Variants in SARAF observed in about 807,000 individuals in gnomAD.
The protein encoded by SARAF is store-operated calcium entry associated regulatory factor, also known as store-operated calcium entry-associated regulatory factor.
Under a neutral mutation model 39.7 loss-of-function variants are expected in SARAF, and 23 were observed. That is an observed-to-expected ratio of 0.58 (90% CI 0.42 to 0.82). The LOEUF is 0.82. Ranked by LOEUF, SARAF falls within the 40% of genes least tolerant of loss-of-function variation. The probability of loss-of-function intolerance (pLI) is 0.00; values close to 1 mark genes in which losing one functional copy is unlikely to be tolerated. For synonymous variants in SARAF, 175 were observed against 168.5 expected, an observed-to-expected ratio of 1.04 and a Z score of -0.30; for missense variants, 384 against 418.5, an observed-to-expected ratio of 0.92 and a Z score of 0.72.
In SARAF at chr8:30,082,213, C is replaced by T. The variant is rs373670910; in HGVS notation, c.103+634G>A. On this transcript the variant is annotated intron_variant, in intron 1 of 5. Coordinates refer to ENST00000256255, the MANE Select transcript of SARAF (RefSeq NM_016127.6). ...AATAGCCAGGCATGGTGGTGGGCAC[C>T]CGTAATCTCAGCTACCGGTGAGGCC... The T allele has an allele frequency of 3.9e-5, 6 of 152,446 alleles. No individual in the cohort carries two copies. In the East Asian group the frequency reaches 7.7e-4, roughly 20 times the overall value. The allele number at this position is 152,446 out of a possible 1,614,324, so 9.4% of individuals were successfully genotyped here.
intron 1 of SARAF, among the ~76,000 whole-genome samples, chr8:30,081,685 T>C (rs1802100149): frequency 6.6e-6 from 1 of 152,102 alleles, no homozygotes; most frequent in Admixed American, 6.6e-5. Flanking sequence ...GGCAATATGC[T>C]TTCCATGCCA....
intron 1 of SARAF, among the ~76,000 whole-genome samples, chr8:30,075,787 A>G (rs1313649914): frequency 6.6e-6 from 1 of 152,072 alleles, no homozygotes; most frequent in Non-Finnish European, 1.5e-5. Flanking sequence ...AATTCTACTA[A>G]AACTATAATA....
At chr8:30,067,736 G>A (rs1170709602) in intron 3 of SARAF, among the ~76,000 whole-genome samples, 2 of 152,054 alleles carry the variant, frequency 1.3e-5, no homozygotes, top group African/African-American at 2.4e-5. Context: ...GTCTTCCACC[G>A]TGTGAAAAAT....
chr8:30,065,325 T>C (rs1446924687), intron 5 of SARAF, among the ~76,000 whole-genome samples: 1 of 152,240 alleles, frequency 6.6e-6, no homozygotes, highest in Non-Finnish European at 1.5e-5. Context: ...GTACCAGTTT[T>C]TTTAATTGAA....
intron 5 of SARAF, among the ~76,000 whole-genome samples, chr8:30,065,050 A>C (rs896270316): frequency 7.2e-5 from 11 of 152,160 alleles, no homozygotes; most frequent in African/African-American, 2.7e-4. Context: ...TGGTAGATCT[A>C]TCCATGTTAT....
intron 1 of SARAF, among the ~76,000 whole-genome samples, chr8:30,079,158 CAAAAAAAAAAAA>C (rs60893961): frequency 1.8e-5 from 1 of 54,682 alleles, no homozygotes; most frequent in Non-Finnish European, 4.1e-5. Flanking sequence ...AACTCCATCT[CAAAAAAAAAAAA>C]AAAAAAAAAG....
At position 30,069,845 on chromosome 8, in the gene SARAF, G is replaced by A; in HGVS notation, c.497C>T (p.Ser166Phe). 6.2e-7 allele frequency: 1 copy of A among 1,614,112 alleles called. No homozygotes were observed. The highest frequency in any genetic ancestry group is 8.5e-7 in the Non-Finnish European group (1 of 1,180,008). ...ASFSDYYYKW[S>F]SADSCNMSGL... ...ACTCATGTTACAGGAATCCGCCGAG[G>A]ACCACTTATAATAATAATCAGAGAA... The change falls in exon 3 of 6, where the codon TCC becomes TTC. Residue 166 changes from serine to phenylalanine, a missense_variant. Ser to Phe is a radical substitution (Grantham distance 155). Transcript: ENST00000256255.
chr8:30,064,037 G>T, intron 5 of SARAF, 124 bp from the exon 6 acceptor site: 3 of 845,174 alleles, frequency 3.5e-6, no homozygotes, highest in East Asian at 2.6e-5. Context: ...GAAAGAGTGT[G>T]CCACTAGGTG....
chr8:30,073,908 T>C lies in SARAF; in HGVS notation c.251A>G (p.Gln84Arg), dbSNP rs1432195933. The change falls in exon 2 of 6, where the codon CAG (glutamine) becomes CGG (arginine). Residue 84 changes from glutamine to arginine, a missense_variant. Gln to Arg is a conservative substitution (Grantham distance 43, BLOSUM62 1). Transcript: ENST00000256255. ...DSYTPKVIQC[Q>R]NKGWDGYDVQ... is the part of the protein sequence containing the mutation. The stretch of plus-strand genomic sequence containing the variant: ...ATCATACCCATCCCAGCCTTTGTTC[T>C]GACACTGTATGACTTTTGGGGTATA... 1 of 1,614,212 alleles carries C rather than the reference T, an allele frequency of 6.2e-7. No individual in the cohort carries two copies. The highest frequency in any genetic ancestry group is 8.5e-7 in the Non-Finnish European group (1 of 1,180,030).
chr8:30,066,252 G>A, intron 4 of SARAF, 113 bp from the exon 5 acceptor site: 5 of 1,099,256 alleles, frequency 4.5e-6, no homozygotes, highest in South Asian at 1.6e-5. Flanking sequence ...ATTTTTTCCT[G>A]AATGTTCTGG....
intron 1 of SARAF, among the ~76,000 whole-genome samples, chr8:30,079,017 C>T (rs534808365): frequency 3.3e-5 from 5 of 151,938 alleles, no homozygotes; most frequent in East Asian, 3.9e-4. Flanking sequence ...ATTAGCTGGA[C>T]GTGGTGGCAT....
chr8:30,083,119 G>A (rs1227160347), upstream of SARAF: 1 of 510,836 alleles, frequency 2.0e-6, no homozygotes. Flanking sequence ...CTACGTCACT[G>A]CCGCTGCGGC....
Position 30,069,998 on chromosome 8 carries a change from T to C in SARAF, c.344A>G (p.Glu115Gly). 6.2e-7 allele frequency: 1 copy of C among 1,613,842 alleles called. No homozygotes were observed. Among genetic ancestry groups the C allele is most frequent in the Non-Finnish European group, 8.5e-7 (1 of 1,179,992 alleles). ...YKFGKTVVSC[E>G]GYESSEDQYV... Reference sequence around the variant, plus strand: ...CTGGTCTTCAGAGGACTCATAGCCTTCACAGCTCACCACAGTTTTTCCAAA... The same window carrying C: ...CTGGTCTTCAGAGGACTCATAGCCTCCACAGCTCACCACAGTTTTTCCAAA... Residue 115 changes from glutamate (E) to glycine (G), a missense_variant, in exon 3 of 6, where the codon GAA (glutamate) becomes GGA (glycine). Physicochemically the swap from Glu to Gly is moderately conservative, Grantham distance 98 (BLOSUM62 -2). Transcript: ENST00000256255.
chr8:30,064,544 TA>T (rs1801628314), intron 5 of SARAF, among the ~76,000 whole-genome samples: 9 of 55,816 alleles, frequency 1.6e-4, no homozygotes, highest in South Asian at 6.3e-4. Context: ...CATATATATA[TA>T]TATATATATA....
In SARAF at chr8:30,066,876, C is replaced by A; in HGVS notation, c.743G>T (p.Ser248Ile). The A allele has an allele frequency of 6.2e-7, 1 of 1,614,146 alleles. No individual in the cohort carries two copies. The highest frequency in any genetic ancestry group is 2.2e-5 in the East Asian group (1 of 44,878). ...TGHGATSGFG[S>I]AFTGQQGYEN... ...ATATCCTTGTTGTCCTGTAAAAGCA[C>A]TGCCAAAACCAGAAGTTGCACCATG... Residue 248 changes from serine to isoleucine, a missense_variant, in exon 4 of 6, where the codon AGT (serine) becomes ATT (isoleucine). By Grantham distance (142) the Ser-to-Ile change is moderately radical. Coordinates refer to ENST00000256255, the MANE Select transcript of SARAF (RefSeq NM_016127.6).
intron 1 of SARAF, chr8:30,082,351 AG>A (rs201447121): frequency 0.011 from 1,489 of 136,310 alleles, 19 homozygotes; most frequent in African/African-American, 0.037. Context: ...AAAAAAAAAA[AG>A]AGTGCAATCT....
chr8:30,069,697 C>G lies in SARAF; in HGVS notation c.645G>C (p.Gln215His). The G allele has an allele frequency of 6.2e-7, 1 of 1,614,098 alleles. No individual in the cohort carries two copies. Among genetic ancestry groups the G allele is most frequent in the Admixed American group, 1.7e-5 (1 of 60,010 alleles). Residue 215 changes from glutamine (Q) to histidine (H), a missense_variant, in exon 3 of 6, where the codon CAG becomes CAC. Coordinates refer to ENST00000256255, the MANE Select transcript of SARAF (RefSeq NM_016127.6). ...GAGGTCCTGCTGAGTTGGTGAATCT[C>G]TGGTAACGGTGGGAAAATGGAGGAT... ...SEYPPFSHRY[Q>H]RFTNSAGPPP...
At chr8:30,068,287 T>G (rs1801738553) in intron 3 of SARAF, among the ~76,000 whole-genome samples, 2 of 152,112 alleles carry the variant, frequency 1.3e-5, no homozygotes, top group South Asian at 2.1e-4. Flanking sequence ...CAGCATTAGA[T>G]TCTCATAGGA....
chr8:30,071,528 T>C (rs1425154110), intron 2 of SARAF, among the ~76,000 whole-genome samples: 1 of 152,250 alleles, frequency 6.6e-6, no homozygotes, highest in East Asian at 1.9e-4. Context: ...TCAATGGTTT[T>C]AGTATATTCA....
Sources: allele counts gnomAD v4.1 joint callset (sites outside exome capture counted in the v4.1 genomes callset), GRCh38; gene constraint gnomAD v4.1.1; transcripts MANE v1.5; gene names NCBI Gene and HGNC (gene_info 2026-07-23, HGNC 2026-07-21).